PIEZO2: variants seen among roughly 807,000 people sequenced by gnomAD.
PIEZO2 encodes piezo-type mechanosensitive ion channel component 2.
Under a neutral mutation model 337.3 loss-of-function variants are expected in PIEZO2, and 172 were observed. That is an observed-to-expected ratio of 0.51 (90% CI 0.45 to 0.58). The LOEUF (loss-of-function observed/expected upper bound fraction) is 0.58. Among genes scored for constraint, PIEZO2 ranks in the 20% least tolerant of loss-of-function variants. PIEZO2 has a pLI of 0.00. For missense variants in PIEZO2, 3,028 were observed against 3,391.3 expected (o/e 0.89, Z 2.66); for synonymous variants, 1,251 against 1,228.5 (o/e 1.02, Z -0.38).
At chr18:10,841,366 T>G (rs894477960) in intron 7 of PIEZO2, among the ~76,000 whole-genome samples, 14 of 152,112 alleles carry the variant, frequency 9.2e-5, no homozygotes, top group Non-Finnish European at 2.1e-4. Flanking sequence ...TTGGCAAGTT[T>G]CATGAGCTGA....
chr18:11,024,430 C>A lies in PIEZO2; in HGVS notation c.160+41697G>T, dbSNP rs562291865. Among the ~76,000 whole-genome samples the A allele has an allele frequency of 4.6e-5, 7 of 150,916 alleles. No individual in the cohort carries two copies. The East Asian group carries it at 1.0e-3, about 22-fold the overall frequency. Reference sequence around the variant, plus strand: ...GCGTAGTGGCGGGCGCCTGTAGTCCCAGCTACTCAGGAGGCTGAGGCAGGA... The same window carrying A: ...GCGTAGTGGCGGGCGCCTGTAGTCCAAGCTACTCAGGAGGCTGAGGCAGGA... On this transcript the variant is annotated intron_variant, in intron 2 of 55. Coordinates refer to ENST00000674853, the MANE Select transcript of PIEZO2 (RefSeq NM_001378183.1).
chr18:10,682,387 G>A lies in PIEZO2; in HGVS notation c.7498-95C>T, dbSNP rs1375333536. 4 of 1,110,534 alleles carry A rather than the reference G, an allele frequency of 3.6e-6. No individual in the cohort carries two copies. Among genetic ancestry groups the A allele is most frequent in the Middle Eastern group, 2.8e-4 (1 of 3,564 alleles). The allele number at this position is 1,110,534 out of a possible 1,614,324, so 68.8% of individuals were successfully genotyped here. Reference sequence around the variant, plus strand: ...GGAGAGCGAGTGCTCTTCCTGTGGTGCTGGGAACATGGATTTGGCCCTGAA... The same window carrying A: ...GGAGAGCGAGTGCTCTTCCTGTGGTACTGGGAACATGGATTTGGCCCTGAA... On this transcript the variant is annotated intron_variant, in intron 49 of 55. Transcript: ENST00000674853. This position sits in a 1 kb window ranked among gnomAD's most constrained non-coding sequence, Gnocchi z 5.6.
chr18:10,902,091 G>A (rs779642771), intron 4 of PIEZO2, among the ~76,000 whole-genome samples: 5 of 152,190 alleles, frequency 3.3e-5, no homozygotes, highest in African/African-American at 9.7e-5. Flanking sequence ...TCATAGGAGC[G>A]AGAACCCTAT....
chr18:11,054,132 C>G (rs1439407035), intron 2 of PIEZO2, among the ~76,000 whole-genome samples: 6 of 152,226 alleles, frequency 3.9e-5, no homozygotes, highest in Non-Finnish European at 7.3e-5. Context: ...GCAGGACAAT[C>G]TCAATCCTAA....
chr18:10,924,278 T>C (rs1008322690), intron 3 of PIEZO2, among the ~76,000 whole-genome samples: 16 of 152,106 alleles, frequency 1.1e-4, no homozygotes, highest in Non-Finnish European at 1.6e-4. Context: ...AGTTTATCCA[T>C]GTTGCATTAT....
chr18:10,747,918 G>C (rs1294078874), intron 30 of PIEZO2, among the ~76,000 whole-genome samples: 1 of 152,102 alleles, frequency 6.6e-6, no homozygotes, highest in African/African-American at 2.4e-5. Flanking sequence ...ACAGCAGCTG[G>C]GGGCCACAGA....
intron 7 of PIEZO2, among the ~76,000 whole-genome samples, chr18:10,851,838 C>T (rs1335620519): frequency 6.6e-6 from 1 of 151,860 alleles, no homozygotes. Flanking sequence ...TTCTCAAAGC[C>T]TTAACTATTT....
At position 11,131,970 on chromosome 18, in the gene PIEZO2, T is replaced by C. The variant is rs1231731232; in HGVS notation, c.64+16555A>G. Reference sequence around the variant, plus strand: ...ATGGGCTCAGTAACAAGGACTTCCATTGACCAAGGCTGACCTGGCTGCAGC... The same window carrying C: ...ATGGGCTCAGTAACAAGGACTTCCACTGACCAAGGCTGACCTGGCTGCAGC... On this transcript the variant is annotated intron_variant, in intron 1 of 55. Transcript: ENST00000674853. This position sits in a 1 kb window ranked among gnomAD's most constrained non-coding sequence, Gnocchi z 5.3. Among the ~76,000 whole-genome samples the C allele has an allele frequency of 2.6e-5, 4 of 152,188 alleles. No homozygotes were observed. The highest frequency in any genetic ancestry group is 1.9e-4 in the East Asian group (1 of 5,180).
intron 3 of PIEZO2, among the ~76,000 whole-genome samples, chr18:10,935,072 C>T (rs1382649965): frequency 6.6e-6 from 1 of 152,144 alleles, no homozygotes; most frequent in Non-Finnish European, 1.5e-5. Context: ...CTTCTCTGAT[C>T]AGACTGTTTC....
rs182083093 is a variant in PIEZO2 at position 10,681,072 on chromosome 18, T to C, written c.7779+589A>G. Among the ~76,000 whole-genome samples, 365 of 152,252 alleles carry C rather than the reference T, an allele frequency of 2.4e-3. 1 individual carries two copies. Among genetic ancestry groups the C allele is most frequent in the Admixed American group, 3.9e-3 (59 of 15,312 alleles). On this transcript the variant is annotated intron_variant, in intron 51 of 55. Coordinates refer to ENST00000674853, the MANE Select transcript of PIEZO2 (RefSeq NM_001378183.1). ...TATGTTTTAGTTTGAGAAATTGTCA[T>C]GTCATTTATAGTCTCTGTAATGAAT...
In PIEZO2 at chr18:10,833,423, C is replaced by A. The variant is rs1317937042; in HGVS notation, c.917+21930G>T. ...ATCTTCTAAAGCACTAACACTGGGC[C>A]CTGCCCCAGAACCCCTGGAATCTCC... On this transcript the variant is annotated intron_variant, in intron 7 of 55. Coordinates refer to ENST00000674853, the MANE Select transcript of PIEZO2 (RefSeq NM_001378183.1). This position sits in a 1 kb window ranked among gnomAD's most constrained non-coding sequence, Gnocchi z 4.7. 1.3e-5 allele frequency among the ~76,000 whole-genome samples: 2 copies of A among 152,146 alleles called. No homozygotes were observed. Among genetic ancestry groups the A allele is most frequent in the Non-Finnish European group, 2.9e-5 (2 of 68,026 alleles).
intron 1 of PIEZO2, among the ~76,000 whole-genome samples, chr18:11,134,948 C>A (rs1022811055): frequency 6.6e-6 from 1 of 151,594 alleles, no homozygotes; most frequent in Non-Finnish European, 1.5e-5. Context: ...CTACAGACAC[C>A]ATGGATAAGC....
chr18:11,103,398 G>T (rs1359857029), intron 1 of PIEZO2, among the ~76,000 whole-genome samples: 1 of 152,094 alleles, frequency 6.6e-6, no homozygotes, highest in African/African-American at 2.4e-5. Flanking sequence ...TGACTTCCAA[G>T]ATCCATTCAC....
intron 4 of PIEZO2, among the ~76,000 whole-genome samples, chr18:10,905,571 G>A (rs2043154909): frequency 3.8e-5 from 4 of 104,552 alleles, no homozygotes; most frequent in South Asian, 8.8e-4. Context: ...CAACAAGAGC[G>A]AAACTGTTTC....
intron 4 of PIEZO2, chr18:10,908,485 A>G (rs1269197924): frequency 2.6e-5 from 4 of 152,266 alleles, no homozygotes; most frequent in African/African-American, 9.6e-5. Flanking sequence ...TCCCTTTAAG[A>G]GAAAGAACAG....
chr18:10,969,376 G>A lies in PIEZO2; in HGVS notation c.286+10159C>T, dbSNP rs1598759492. ...ATTTGTCTTACAGCAAGGACTGGTC[G>A]GCATGGTGGGGAGCAGACGGGCGTG... On this transcript the variant is annotated intron_variant, in intron 3 of 55. Coordinates refer to ENST00000674853, the MANE Select transcript of PIEZO2 (RefSeq NM_001378183.1). The surrounding 1 kb of genome is among the most constrained non-coding windows in gnomAD (Gnocchi z 4.5). 2.0e-5 allele frequency among the ~76,000 whole-genome samples: 3 copies of A among 147,310 alleles called. No individual in the cohort carries two copies. Among genetic ancestry groups the A allele is most frequent in the South Asian group, 2.2e-4 (1 of 4,550 alleles).
intron 2 of PIEZO2, among the ~76,000 whole-genome samples, chr18:11,034,322 G>A (rs1379215821): frequency 6.7e-5 from 10 of 150,184 alleles, no homozygotes; most frequent in East Asian, 5.9e-4. Flanking sequence ...TTTTGGCGGC[G>A]TCTAGCTCTG....
intron 31 of PIEZO2, among the ~76,000 whole-genome samples, 183 bp from the exon 32 acceptor site, chr18:10,742,798 TTGTG>T (rs71169946): frequency 3.2e-4 from 37 of 115,604 alleles, no homozygotes; most frequent in African/African-American, 1.5e-3. Context: ...ATATACATAT[TTGTG>T]TGTGTGTGTG....
intron 48 of PIEZO2, 43 bp from the exon 49 acceptor site, chr18:10,689,845 C>T (rs2034722784): frequency 6.4e-7 from 1 of 1,564,568 alleles, no homozygotes; most frequent in East Asian, 2.3e-5. Context: ...TCGTGGGTGG[C>T]CCCCACCACC....
Sources: gnomAD v4.1 joint callset for allele counts (sites outside exome capture counted in the v4.1 genomes callset) on GRCh38, gnomAD v4.1.1 for gene constraint, Gnocchi (gnomAD v3.1) non-coding constraint, MANE v1.5 for transcripts, NCBI Gene and HGNC (gene_info 2026-07-23, HGNC 2026-07-21) for gene names.